The following SKAP1 variants were observed in gnomAD, a reference collection of about 807,000 sequenced individuals.
SKAP1 encodes src kinase associated phosphoprotein 1, also known as src kinase-associated phosphoprotein 1.
Under a neutral mutation model 58.5 loss-of-function variants are expected in SKAP1, and 44 were observed. The observed-to-expected ratio is 0.75, with a 90% CI of 0.59 to 0.97. SKAP1 has a LOEUF of 0.97. Ranked by LOEUF, SKAP1 falls within the 50% of genes least tolerant of loss-of-function variation. The pLI, the probability that SKAP1 is intolerant of heterozygous loss-of-function variation, is 0.00. For synonymous variants in SKAP1, 127 were observed against 149.7 expected, an observed-to-expected ratio of 0.85 and a Z score of 1.11; for missense variants, 390 against 435.2, an observed-to-expected ratio of 0.90 and a Z score of 0.92.
At chr17:48,245,978 A>G (rs2065292141) in intron 4 of SKAP1, among the ~76,000 whole-genome samples, 1 of 151,182 alleles carries the variant, frequency 6.6e-6, no homozygotes, top group Admixed American at 6.8e-5. Flanking sequence ...CCGTCTCAAA[A>G]CAACAACAAC....
intron 11 of SKAP1, among the ~76,000 whole-genome samples, chr17:48,144,443 A>T (rs1049163306): frequency 6.6e-5 from 10 of 152,216 alleles, no homozygotes; most frequent in Non-Finnish European, 1.5e-4. Context: ...AAAAATGCAA[A>T]TGAGATCCGG....
At chr17:48,343,794 G>C (rs944546941) in intron 4 of SKAP1, among the ~76,000 whole-genome samples, 23 of 152,160 alleles carry the variant, frequency 1.5e-4, no homozygotes, top group African/African-American at 5.6e-4. Context: ...TTTGGAGTAT[G>C]AATCTATTTT....
rs539438756 is a variant in SKAP1 at position 48,323,495 on chromosome 17, CAG to C, written c.280+22408_280+22409del. Reference sequence around the variant, plus strand: ...AGTTAAATGGGCTGCCCTGGGCAAACAGGGCACAAAATCCAAGGCATTATGAT... The same window carrying C: ...AGTTAAATGGGCTGCCCTGGGCAAACGGCACAAAATCCAAGGCATTATGAT... On this transcript the variant is annotated intron_variant, in intron 4 of 12. Transcript: ENST00000336915. 5.5e-4 allele frequency among the ~76,000 whole-genome samples: 84 copies of C among 152,186 alleles called. 3 individuals are homozygous for C. The South Asian group carries it at 8.5e-3, about 15-fold the overall frequency.
intron 4 of SKAP1, among the ~76,000 whole-genome samples, chr17:48,297,410 A>AAATGACCT (rs1289122467): frequency 1.1e-4 from 16 of 152,330 alleles, no homozygotes; most frequent in South Asian, 6.2e-4. Flanking sequence ...AGAACAATAT[A>AAATGACCT]AATGACCTTA....
intron 10 of SKAP1, among the ~76,000 whole-genome samples, chr17:48,164,024 G>A (rs561596492): frequency 6.6e-6 from 1 of 152,296 alleles, no homozygotes; most frequent in South Asian, 2.1e-4. Flanking sequence ...CAGCAAACAA[G>A]ATAACTACTG....
chr17:48,223,640 T>C (rs373904219), intron 4 of SKAP1, among the ~76,000 whole-genome samples: 38 of 152,314 alleles, frequency 2.5e-4, no homozygotes, highest in African/African-American at 9.1e-4. Flanking sequence ...CAAATTTCCA[T>C]CAATCAAGTC....
chr17:48,253,717 G>T (rs552999498), intron 4 of SKAP1, among the ~76,000 whole-genome samples: 1 of 127,210 alleles, frequency 7.9e-6, no homozygotes, highest in South Asian at 3.1e-4. Flanking sequence ...GCCACCTCAT[G>T]CCTTCCTTAT....
intron 4 of SKAP1, among the ~76,000 whole-genome samples, chr17:48,276,374 T>C (rs1451444913): frequency 6.6e-6 from 1 of 152,244 alleles, no homozygotes; most frequent in Non-Finnish European, 1.5e-5. Context: ...TATTTTGTTC[T>C]CCCTCCACTT....
At chr17:48,232,434 T>C (rs912898596) in intron 4 of SKAP1, among the ~76,000 whole-genome samples, 3 of 152,252 alleles carry the variant, frequency 2.0e-5, no homozygotes, top group Non-Finnish European at 2.9e-5. Context: ...CAAATATTTA[T>C]ATAATGATCA....
At chr17:48,383,383 G>T (rs2067240627) in intron 2 of SKAP1, among the ~76,000 whole-genome samples, 1 of 152,078 alleles carries the variant, frequency 6.6e-6, no homozygotes, top group South Asian at 2.1e-4. Context: ...TCTGAAAAAT[G>T]GAAGTTGTTC....
At chr17:48,317,827 T>C (rs754154023) in intron 4 of SKAP1, among the ~76,000 whole-genome samples, 4 of 151,872 alleles carry the variant, frequency 2.6e-5, no homozygotes, top group Non-Finnish European at 5.9e-5. Flanking sequence ...TTAGAAGGCA[T>C]CATACAAAAA....
chr17:48,197,331 C>A (rs1362651374), intron 4 of SKAP1, among the ~76,000 whole-genome samples: 1 of 151,168 alleles, frequency 6.6e-6, no homozygotes, highest in East Asian at 1.9e-4. Flanking sequence ...GGGTGATCAT[C>A]TAGAAAAAAG....
chr17:48,269,863 G>GCGGGAGGATCACCTGAGGT (rs1256241811), intron 4 of SKAP1, among the ~76,000 whole-genome samples: 1 of 152,144 alleles, frequency 6.6e-6, no homozygotes, highest in Non-Finnish European at 1.5e-5. Flanking sequence ...GGAGGCTGAG[G>GCGGGAGGATCACCTGAGGT]CGGGAGGATC....
chr17:48,185,847 G>C (rs2064444276), intron 6 of SKAP1: 3 of 152,330 alleles, frequency 2.0e-5, no homozygotes, highest in Admixed American at 2.0e-4. Flanking sequence ...CCATGGAACA[G>C]TGCTTTTTGA....
At position 48,189,777 on chromosome 17, in the gene SKAP1, C is replaced by A. The variant is rs183905938; in HGVS notation, c.281-277G>T. 3.2e-3 allele frequency among the ~76,000 whole-genome samples: 482 copies of A among 151,900 alleles called. 1 individual carries two copies. Among genetic ancestry groups the A allele is most frequent in the Middle Eastern group, 6.8e-3 (2 of 294 alleles). On this transcript the variant is annotated intron_variant, in intron 4 of 12. Coordinates refer to ENST00000336915, the MANE Select transcript of SKAP1 (RefSeq NM_003726.4). Reference sequence around the variant, plus strand: ...GCAACCTCTGCCTCCCAGGTTCGAGCCATTCTCCTGTCTCAGCCTCCCAGG... The same window carrying A: ...GCAACCTCTGCCTCCCAGGTTCGAGACATTCTCCTGTCTCAGCCTCCCAGG...
intron 1 of SKAP1, among the ~76,000 whole-genome samples, chr17:48,409,186 T>C (rs2067629821): frequency 6.6e-6 from 1 of 152,228 alleles, no homozygotes; most frequent in Non-Finnish European, 1.5e-5. Flanking sequence ...GATCCAGCAG[T>C]CATACTCTTA....
chr17:48,302,811 G>C (rs1400659264), intron 4 of SKAP1, among the ~76,000 whole-genome samples: 1 of 152,144 alleles, frequency 6.6e-6, no homozygotes, highest in East Asian at 1.9e-4. Flanking sequence ...CACTTACTTG[G>C]GGACAGGCAT....
intron 4 of SKAP1, among the ~76,000 whole-genome samples, chr17:48,316,981 T>C (rs2066297565): frequency 1.3e-5 from 2 of 152,312 alleles, no homozygotes; most frequent in South Asian, 4.1e-4. Context: ...TTCTCCCTTA[T>C]CACATCCAAC....
chr17:48,412,711 C>T (rs2067680447), intron 1 of SKAP1, among the ~76,000 whole-genome samples: 1 of 152,094 alleles, frequency 6.6e-6, no homozygotes, highest in Admixed American at 6.5e-5. Flanking sequence ...GACAAATATC[C>T]TTACTAAATT....
Sources: gnomAD v4.1 joint callset for allele counts (sites outside exome capture counted in the v4.1 genomes callset) on GRCh38, gnomAD v4.1.1 for gene constraint, MANE v1.5 for transcripts, NCBI Gene and HGNC (gene_info 2026-07-23, HGNC 2026-07-21) for gene names.